Variants in RBFOX1 observed in about 807,000 individuals in gnomAD.
RBFOX1 encodes RNA binding protein fox-1 homolog 1.
In RBFOX1, 8 loss-of-function variants were observed where a neutral mutation model predicts 57.7. That is an observed-to-expected ratio of 0.14 (90% confidence interval 0.08 to 0.25). RBFOX1 has a LOEUF of 0.25. Ranked by LOEUF, RBFOX1 falls within the 10% of genes least tolerant of loss-of-function variation. The probability of loss-of-function intolerance (pLI) is 1.00; values close to 1 mark genes in which losing one functional copy is unlikely to be tolerated. For synonymous variants in RBFOX1, 326 were observed against 222.4 expected (o/e 1.47, Z -4.15); for missense variants, 611 against 548.5 (o/e 1.11, Z -1.14).
chr16:5,427,568 G>C (rs1410164357), intron 1 of RBFOX1, among the ~76,000 whole-genome samples: 3 of 151,164 alleles, frequency 2.0e-5, no homozygotes, highest in East Asian at 1.9e-4. Flanking sequence ...CTGGGCAACA[G>C]AGTGAGACTC....
rs2074523400 is a variant in RBFOX1, at chr16:6,266,578, G to A, written c.-126-50417G>A. Among the ~76,000 whole-genome samples the A allele has an allele frequency of 3.3e-5, 5 of 152,074 alleles. No individual in the cohort carries two copies. The South Asian group carries it at 1.0e-3, about 32-fold the overall frequency. On this transcript the variant is annotated intron_variant, in intron 1 of 15. Transcript: ENST00000550418. ...AAGATACAAAAATCAGTCAGTCATG[G>A]TGGCACGCGCCTGTAATCCCAGCTA...
intron 4 of RBFOX1, among the ~76,000 whole-genome samples, chr16:7,432,425 C>T (rs1440183605): frequency 6.6e-6 from 1 of 152,182 alleles, no homozygotes; most frequent in Non-Finnish European, 1.5e-5. Flanking sequence ...CTAATGCAAT[C>T]GTTGTGCTTA....
intron 4 of RBFOX1, among the ~76,000 whole-genome samples, chr16:5,878,922 A>G (rs1196132499): frequency 6.6e-6 from 1 of 152,200 alleles, no homozygotes; most frequent in East Asian, 1.9e-4. Flanking sequence ...TTAGTTTGCA[A>G]AAATATTAAT....
At chr16:5,937,940 A>G (rs2059200075) in intron 4 of RBFOX1, among the ~76,000 whole-genome samples, 1 of 152,078 alleles carries the variant, frequency 6.6e-6, no homozygotes, top group Non-Finnish European at 1.5e-5. Context: ...TATATGTTAC[A>G]ACAGGAGTAA....
At chr16:7,079,220 T>C (rs892631522) in intron 4 of RBFOX1, among the ~76,000 whole-genome samples, 2 of 152,110 alleles carry the variant, frequency 1.3e-5, no homozygotes, top group Non-Finnish European at 2.9e-5. Context: ...TGCATATGTT[T>C]ATTGGCCAAA....
At chr16:7,322,126 A>AT (rs1453118599) in intron 4 of RBFOX1, among the ~76,000 whole-genome samples, 2 of 152,134 alleles carry the variant, frequency 1.3e-5, no homozygotes, top group African/African-American at 2.4e-5. Flanking sequence ...CTGATAACAT[A>AT]TTTTTTCCCC....
chr16:6,299,675 C>T (rs1468929347), intron 1 of RBFOX1, among the ~76,000 whole-genome samples: 7 of 152,130 alleles, frequency 4.6e-5, no homozygotes, highest in African/African-American at 9.7e-5. Flanking sequence ...CCTAATGGAT[C>T]CTTAATGACT....
chr16:5,407,159 G>T (rs1200355827), intron 1 of RBFOX1, among the ~76,000 whole-genome samples: 1 of 152,122 alleles, frequency 6.6e-6, no homozygotes, highest in Non-Finnish European at 1.5e-5. Context: ...AGTGAAAAGT[G>T]CAGGGGAAGC....
At chr16:7,071,838 G>A (rs1336519009) in intron 4 of RBFOX1, among the ~76,000 whole-genome samples, 1 of 151,826 alleles carries the variant, frequency 6.6e-6, no homozygotes, top group Admixed American at 6.6e-5. Flanking sequence ...CCATTAATCT[G>A]CTCTTCCTCC....
intron 3 of RBFOX1, among the ~76,000 whole-genome samples, chr16:6,899,197 ATATGTGTGTATATGTGTGTG>A (rs2067827152): frequency 6.8e-6 from 1 of 147,706 alleles, no homozygotes; most frequent in Non-Finnish European, 1.5e-5. Context: ...GTGTGAGTGC[ATATGTGTGTATATGTGTGTG>A]TATGTGTGGA....
rs149616392 is a variant in RBFOX1 at position 6,972,095 on chromosome 16, T to A, written c.-15-79962T>A. Among the ~76,000 whole-genome samples the A allele has an allele frequency of 6.1e-3, 923 of 152,334 alleles. 14 individuals are homozygous for A. Among genetic ancestry groups the A allele is most frequent in the African/African-American group, 0.021 (874 of 41,564 alleles). On this transcript the variant is annotated intron_variant, in intron 3 of 15. Transcript: ENST00000550418. ...ATATATTACAGCATTTTTTTCCCAT[T>A]GTGCTAAAAAGCACACAACATCTAA...
intron 1 of RBFOX1, chr16:5,270,040 A>G (rs541557052): frequency 1.2e-5 from 2 of 171,434 alleles, no homozygotes; most frequent in African/African-American, 4.8e-5. Context: ...CACACCTGTG[A>G]TCCCAGCACT....
At chr16:7,461,348 A>G (rs999558187) in intron 4 of RBFOX1, among the ~76,000 whole-genome samples, 2 of 152,026 alleles carry the variant, frequency 1.3e-5, no homozygotes, top group Non-Finnish European at 1.5e-5. Flanking sequence ...TTGTATTTTT[A>G]GTGAAGATGG....
intron 1 of RBFOX1, among the ~76,000 whole-genome samples, chr16:5,446,372 G>C (rs538498): frequency 0.68 from 103,324 of 152,008 alleles, 35,436 homozygotes; most frequent in African/African-American, 0.78. Context: ...ATCCAGGAAA[G>C]TTAGATTCAA....
chr16:6,578,154 A>G (rs1264543451), intron 2 of RBFOX1, among the ~76,000 whole-genome samples: 2 of 152,244 alleles, frequency 1.3e-5, no homozygotes, highest in Non-Finnish European at 2.9e-5. Context: ...CCTGCATTCT[A>G]ACTACTACTA....
intron 4 of RBFOX1, among the ~76,000 whole-genome samples, chr16:7,052,373 CTTTTT>C (rs1434778768): frequency 1.3e-5 from 2 of 152,132 alleles, no homozygotes; most frequent in Non-Finnish European, 2.9e-5. Context: ...TCATTGTACT[CTTTTT>C]ATGTACAACA....
rs1272695607 is a variant in RBFOX1, at chr16:7,153,524, C to A, written c.27+101426C>A. Among the ~76,000 whole-genome samples, 3 of 150,892 alleles carry A rather than the reference C, an allele frequency of 2.0e-5. No individual in the cohort carries two copies. The East Asian group carries it at 5.9e-4, about 29-fold the overall frequency. ...GGCTGCGGCAAGTGAATCACAAGGT[C>A]AAGAGATCGAGACCATCCTGGCCAA... On this transcript the variant is annotated intron_variant, in intron 4 of 15. Transcript: ENST00000550418.
At chr16:7,001,392 G>GTGTATATGTATATGTATATGTATA (rs1555743398) in intron 3 of RBFOX1, among the ~76,000 whole-genome samples, 5 of 84,076 alleles carry the variant, frequency 5.9e-5, no homozygotes, top group African/African-American at 3.2e-4. Flanking sequence ...GTATGTGTAT[G>GTGTATATGTATATGTATATGTATA]TGTATTTGTA....
chr16:6,440,329 T>C (rs2094350193), intron 2 of RBFOX1, among the ~76,000 whole-genome samples: 1 of 152,008 alleles, frequency 6.6e-6, no homozygotes, highest in South Asian at 2.1e-4. Flanking sequence ...ATGGGGCCTG[T>C]GGGATGGGAG....
Sources: allele counts gnomAD v4.1 joint callset (sites outside exome capture counted in the v4.1 genomes callset), GRCh38; gene constraint gnomAD v4.1.1; transcripts MANE v1.5; gene names NCBI Gene and HGNC (gene_info 2026-07-23, HGNC 2026-07-21).